The following FGFR1OP2 variants were observed in gnomAD, a reference collection of about 807,000 sequenced individuals.
The protein encoded by FGFR1OP2 is fibroblast growth factor receptor 1 oncogene partner 2.
In FGFR1OP2, 17 loss-of-function variants were observed where a neutral mutation model predicts 35.2. That is an observed-to-expected ratio of 0.48 (90% CI 0.33 to 0.73). FGFR1OP2 has a LOEUF of 0.73. Among genes scored for constraint, FGFR1OP2 ranks in the 30% least tolerant of loss-of-function variants. The pLI, the probability that FGFR1OP2 is intolerant of heterozygous loss-of-function variation, is 0.02. For synonymous variants in FGFR1OP2, 105 were observed against 104.6 expected (o/e 1.00, Z -0.03); for missense variants, 251 against 307.3 (o/e 0.82, Z 1.37).
At chr12:26,944,936 T>TAC (rs1411325414) in intron 1 of FGFR1OP2, among the ~76,000 whole-genome samples, 2 of 152,164 alleles carry the variant, frequency 1.3e-5, no homozygotes, top group East Asian at 3.8e-4. Flanking sequence ...TGTGTGACTT[T>TAC]ATGTAGTTTG....
At chr12:26,954,048 C>A in intron 1 of FGFR1OP2, 97 bp from the exon 2 acceptor site, 1 of 904,504 alleles carries the variant, frequency 1.1e-6, no homozygotes, top group Non-Finnish European at 1.6e-6. Context: ...AATACTGTAA[C>A]AAATGTGGCT....
chr12:26,945,884 A>G lies in FGFR1OP2; in HGVS notation c.-15+7174A>G, dbSNP rs116795676. Among the ~76,000 whole-genome samples the G allele has an allele frequency of 6.2e-3, 939 of 151,814 alleles. 9 individuals carry two copies. The highest frequency in any genetic ancestry group is 0.022 in the African/African-American group (905 of 41,386). On this transcript the variant is annotated intron_variant, in intron 1 of 6. Transcript: ENST00000229395. ...CTCAAAAAAAAAAAAAAAAAAGCAT[A>G]ATTTGTATGATTACAGTTCTCTTAA...
In FGFR1OP2 at chr12:26,952,862, C is replaced by CT. The variant is rs1265218195; in HGVS notation, c.-14-1282dup. 2.0e-5 allele frequency among the ~76,000 whole-genome samples: 3 copies of CT among 152,228 alleles called. No individual in the cohort carries two copies. In the East Asian group the frequency reaches 5.8e-4, roughly 29 times the overall value. On this transcript the variant is annotated intron_variant, in intron 1 of 6. Coordinates refer to ENST00000229395, the MANE Select transcript of FGFR1OP2 (RefSeq NM_015633.3). Reference sequence around the variant, plus strand: ...TCTACACCAAATTTTAATTTAACTTCTGTAGACGTGGCTTCTGGCCTGGTA... The same window carrying CT: ...TCTACACCAAATTTTAATTTAACTTCTTGTAGACGTGGCTTCTGGCCTGGTA...
chr12:26,963,568 T>A (rs1421394549), intron 6 of FGFR1OP2, 113 bp downstream of exon 6: 1 of 648,212 alleles, frequency 1.5e-6, no homozygotes, highest in African/African-American at 1.8e-5. Flanking sequence ...GGTAATGTTC[T>A]CCTGGATGCT....
chr12:26,960,869 G>A, intron 5 of FGFR1OP2: 1 of 341,134 alleles, frequency 2.9e-6, no homozygotes, highest in Non-Finnish European at 4.8e-6. Context: ...AGGTTATTCA[G>A]TCCAACGCTT....
In FGFR1OP2 at chr12:26,957,597, A is replaced by T. The variant is rs369675830; in HGVS notation, c.254-4A>T. Reference sequence around the variant, plus strand: ...GGAATAAAATACAATATTATTCTTGATAGAATTACGTACATCTCTGGAAGA... The same window carrying T: ...GGAATAAAATACAATATTATTCTTGTTAGAATTACGTACATCTCTGGAAGA... On this transcript the variant is annotated splice_polypyrimidine_tract_variant and splice_region_variant and intron_variant, in intron 3 of 6. Transcript: ENST00000229395. 2.8e-5 allele frequency: 45 copies of T among 1,608,292 alleles called. No homozygotes were observed. Among genetic ancestry groups the T allele is most frequent in the Non-Finnish European group, 3.6e-5 (42 of 1,178,182 alleles).
At chr12:26,942,830 A>G (rs1167170397) in intron 1 of FGFR1OP2, among the ~76,000 whole-genome samples, 1 of 151,970 alleles carries the variant, frequency 6.6e-6, no homozygotes, top group Non-Finnish European at 1.5e-5. Flanking sequence ...ACTTTTTTGT[A>G]TTCTAGATAC....
chr12:26,940,289 T>C (rs1399258965), intron 1 of FGFR1OP2, among the ~76,000 whole-genome samples: 1 of 152,208 alleles, frequency 6.6e-6, no homozygotes, highest in Non-Finnish European at 1.5e-5. Context: ...ACGTGTAATT[T>C]TAAAAAAATC....
chr12:26,946,621 A>G (rs991016479), intron 1 of FGFR1OP2, among the ~76,000 whole-genome samples: 8 of 152,170 alleles, frequency 5.3e-5, no homozygotes, highest in Non-Finnish European at 1.0e-4. Flanking sequence ...CTTGTCTGAT[A>G]TTATATAGCC....
intron 1 of FGFR1OP2, among the ~76,000 whole-genome samples, chr12:26,939,246 T>C (rs141778663): frequency 5.8e-4 from 88 of 152,242 alleles, no homozygotes; most frequent in Middle Eastern, 3.4e-3. Flanking sequence ...ATTTTTTTTT[T>C]CGCCAGAATT....
chr12:26,962,041 T>C (rs1414349725), intron 5 of FGFR1OP2: 1 of 152,236 alleles, frequency 6.6e-6, no homozygotes, highest in Non-Finnish European at 1.5e-5. Context: ...TGGAATGTTT[T>C]TTATCTGTGC....
At chr12:26,952,825 C>T (rs887443125) in intron 1 of FGFR1OP2, among the ~76,000 whole-genome samples, 3 of 145,870 alleles carry the variant, frequency 2.1e-5, no homozygotes, top group Non-Finnish European at 4.6e-5. Context: ...TGTTTATAAC[C>T]CTTCACTTGG....
At chr12:26,958,025 C>T (rs906938964) in intron 4 of FGFR1OP2, 1 of 244,438 alleles carries the variant, frequency 4.1e-6, no homozygotes, top group Non-Finnish European at 8.0e-6. Flanking sequence ...TAAGTCTGGT[C>T]TCTTCAACAT....
chr12:26,952,747 C>T lies in FGFR1OP2; in HGVS notation c.-14-1398C>T, dbSNP rs766395025. Among the ~76,000 whole-genome samples, 44 of 149,764 alleles carry T rather than the reference C, an allele frequency of 2.9e-4. 1 individual carries two copies. Among genetic ancestry groups the T allele is most frequent in the Non-Finnish European group, 1.5e-4 (10 of 67,758 alleles). On this transcript the variant is annotated intron_variant, in intron 1 of 6. Transcript: ENST00000229395. The stretch of plus-strand genomic sequence containing the variant: ...GTTGGTACAGATCTGTAGTCCAGGG[C>T]AGTGGTATATAACAAAGTCCTGAAT...
chr12:26,947,302 TTTTGAA>T (rs1938844031), intron 1 of FGFR1OP2, among the ~76,000 whole-genome samples: 1 of 152,160 alleles, frequency 6.6e-6, no homozygotes, highest in African/African-American at 2.4e-5. Flanking sequence ...CTCATTGTGG[TTTTGAA>T]TTGCATTTCA....
intron 6 of FGFR1OP2, 31 bp from the exon 7 acceptor site, chr12:26,964,565 G>T: frequency 6.2e-7 from 1 of 1,604,174 alleles, no homozygotes; most frequent in South Asian, 1.1e-5. Flanking sequence ...TGTAGATAGT[G>T]ACTGCATCTT....
chr12:26,947,627 C>T (rs1044722007), intron 1 of FGFR1OP2, among the ~76,000 whole-genome samples: 3 of 152,100 alleles, frequency 2.0e-5, no homozygotes, highest in African/African-American at 2.4e-5. Flanking sequence ...AGCAATCCTC[C>T]GATTTTGGCC....
intron 1 of FGFR1OP2, among the ~76,000 whole-genome samples, chr12:26,950,099 A>T (rs1167237287): frequency 5.9e-5 from 9 of 151,622 alleles, no homozygotes; most frequent in Admixed American, 5.9e-4. Flanking sequence ...CATCCCGCTT[A>T]TAGTAACGAA....
intron 2 of FGFR1OP2, 142 bp downstream of exon 2, chr12:26,954,435 T>A: frequency 9.6e-7 from 1 of 1,038,528 alleles, no homozygotes. Context: ...AGGTTTACTT[T>A]AATTTTGTCG....
Sources: allele counts gnomAD v4.1 joint callset (sites outside exome capture counted in the v4.1 genomes callset), GRCh38; gene constraint gnomAD v4.1.1; transcripts MANE v1.5; gene names NCBI Gene and HGNC (gene_info 2026-07-23, HGNC 2026-07-21).